Variants in NSD3 observed in about 807,000 individuals in gnomAD.
NSD3 encodes the protein histone-lysine N-methyltransferase NSD3.
A neutral mutation model predicts 160.8 loss-of-function variants in NSD3; 24 were observed. The ratio of observed to expected loss-of-function variants is 0.15; its 90% CI spans 0.11 to 0.21. The LOEUF (loss-of-function observed/expected upper bound fraction) is 0.21, where lower values mean the gene tolerates loss of function less well. NSD3 is among the 10% of genes least tolerant of loss of function. The pLI is 1.00. For synonymous variants in NSD3, 520 were observed against 600.0 expected (o/e 0.87, Z 1.95); for missense variants, 1,157 against 1,735.9 (o/e 0.67, Z 5.93).
At chr8:38,359,793 T>C (rs1464734249) in intron 1 of NSD3, among the ~76,000 whole-genome samples, 2 of 152,210 alleles carry the variant, frequency 1.3e-5, no homozygotes, top group Non-Finnish European at 2.9e-5. Context: ...GATTGTTCTA[T>C]TTGTCTTTAG....
intron 4 of NSD3, among the ~76,000 whole-genome samples, chr8:38,332,507 C>T (rs1810087024): frequency 6.6e-6 from 1 of 152,134 alleles, no homozygotes; most frequent in African/African-American, 2.4e-5. Flanking sequence ...TTTGAGTCCT[C>T]AAGTTTTAGG....
At chr8:38,296,671 CCTCTGTGT>C (rs1380180609) in intron 15 of NSD3, among the ~76,000 whole-genome samples, 6 of 114,892 alleles carry the variant, frequency 5.2e-5, no homozygotes, top group Middle Eastern at 4.2e-3. Flanking sequence ...TCTCTCTCTC[CCTCTGTGT>C]GTGTGTGTGT....
chr8:38,337,596 A>G (rs1810253817), intron 3 of NSD3, 129 bp from the exon 4 acceptor site: 1 of 862,242 alleles, frequency 1.2e-6, no homozygotes, highest in Admixed American at 4.2e-5. Flanking sequence ...GTCAAAAAAC[A>G]TCAGAAATTC....
intron 23 of NSD3, 66 bp from the exon 24 acceptor site, chr8:38,275,948 T>C (rs1309237013): frequency 2.1e-6 from 3 of 1,422,764 alleles, no homozygotes; most frequent in African/African-American, 1.4e-5. Flanking sequence ...TGATTACCCA[T>C]GAAAAACCCA....
chr8:38,301,259 T>C (rs1387106003), intron 14 of NSD3, among the ~76,000 whole-genome samples: 1 of 152,164 alleles, frequency 6.6e-6, no homozygotes, highest in Non-Finnish European at 1.5e-5. Flanking sequence ...GCATGAGCCA[T>C]GGTGCTCAGC....
In NSD3 at chr8:38,348,037, G is replaced by A. The variant is rs1170391017; in HGVS notation, c.135C>T (p.Gly45=). 2.5e-6 allele frequency: 4 copies of A among 1,614,046 alleles called. No homozygotes were observed. The highest frequency in any genetic ancestry group is 3.4e-6 in the Non-Finnish European group (4 of 1,180,040). The change falls in exon 2 of 24, where the codon GGC becomes GGT. Residue 45 remains glycine (G), a synonymous_variant. Transcript: ENST00000317025. ...GCAAAGTAGCTTCATATGGTGTCTG[G>A]CCACCATCTTCAGCAATGTCACTGT... ...DNNSDIAEDG[G]QTPYEATLQQ...
intron 1 of NSD3, among the ~76,000 whole-genome samples, chr8:38,366,284 T>C (rs2150392994): frequency 6.6e-6 from 1 of 152,222 alleles, no homozygotes; most frequent in South Asian, 2.1e-4. Context: ...TTCTTTGCCA[T>C]GAAGAATTTA....
rs200219041 is a variant in NSD3 at position 38,304,541 on chromosome 8, T to C, written c.2611+46A>G. On this transcript the variant is annotated intron_variant, in intron 14 of 23. Transcript: ENST00000317025. ...GAGACTCTATGTTAATGGAGAAATATGCCAATGACCTCAAAAATAAATGAA... is the reference window on the plus strand; with the variant it reads ...GAGACTCTATGTTAATGGAGAAATACGCCAATGACCTCAAAAATAAATGAA... 67 of 1,570,876 alleles carry C rather than the reference T, an allele frequency of 4.3e-5. No individual in the cohort carries two copies. In the African/African-American group the frequency reaches 9.0e-4, roughly 21 times the overall value.
At chr8:38,283,824 C>G (rs1018933043) in intron 19 of NSD3, among the ~76,000 whole-genome samples, 20 of 152,142 alleles carry the variant, frequency 1.3e-4, no homozygotes, top group African/African-American at 3.4e-4. Context: ...GAAAAACAGG[C>G]CAGGTGTGGT....
rs1585928016 is a variant in NSD3, at chr8:38,366,132, A to G, written c.-45+15667T>C. Among the ~76,000 whole-genome samples, 3 of 151,044 alleles carry G rather than the reference A, an allele frequency of 2.0e-5. No individual in the cohort carries two copies. The East Asian group carries it at 5.8e-4, about 29-fold the overall frequency. ...TCTCAAAAAAAAAAAAAAAAAAAAA[A>G]GCTGAAATGAAGGCAATGCATTCTG... is the stretch of plus-strand genomic sequence containing the variant. On this transcript the variant is annotated intron_variant, in intron 1 of 23. Coordinates refer to ENST00000317025, the MANE Select transcript of NSD3 (RefSeq NM_023034.2).
At chr8:38,303,481 T>C (rs1163008166) in intron 14 of NSD3, 1 of 791,844 alleles carries the variant, frequency 1.3e-6, no homozygotes, top group African/African-American at 1.9e-5. Flanking sequence ...CAGAAAGTAG[T>C]GTCTACTACA....
At chr8:38,315,683 A>T in intron 10 of NSD3, 139 bp from the exon 11 acceptor site, 1 of 1,308,462 alleles carries the variant, frequency 7.6e-7, no homozygotes. Context: ...TCTTTCCAAA[A>T]TCCACAGATA....
rs967979014 is a variant in NSD3, at chr8:38,272,986, T to A, written c.*2655A>T. On this transcript the variant is annotated 3_prime_UTR_variant, in exon 24 of 24. Transcript: ENST00000317025. ...GGCACCAGCATGACTAAAACCGCTT[T>A]TTAGACCATTAAAGAACATTCATGG... 6.6e-6 allele frequency: 1 copy of A among 152,220 alleles called. No homozygotes were observed. Among genetic ancestry groups the A allele is most frequent in the African/African-American group, 2.4e-5 (1 of 41,464 alleles). 9.4% of individuals were successfully genotyped at this position (152,220 alleles called of 1,614,324 possible).
chr8:38,345,279 G>A (rs1270185624), intron 2 of NSD3, among the ~76,000 whole-genome samples: 1 of 127,376 alleles, frequency 7.9e-6, no homozygotes. Flanking sequence ...ATGGAAGGGG[G>A]AAGGGACGAG....
Position 38,288,366 on chromosome 8 carries a change from A to G in NSD3, c.3501+121T>C, listed in dbSNP as rs534678730. 2.9e-6 allele frequency: 4 copies of G among 1,380,250 alleles called. No homozygotes were observed. The highest frequency in any genetic ancestry group is 2.9e-5 in the African/African-American group (2 of 69,106). The allele number at this position is 1,380,250 out of a possible 1,614,324, so 85.5% of individuals were successfully genotyped here. A position where few individuals can be genotyped will look rare whatever the true frequency, so the allele number is the denominator to read the frequency against. On this transcript the variant is annotated intron_variant, in intron 19 of 23. Coordinates refer to ENST00000317025, the MANE Select transcript of NSD3 (RefSeq NM_023034.2). The surrounding 1 kb of genome is among the most constrained non-coding windows in gnomAD (Gnocchi z 4.5). ...AAGAAGTACCAAACTCTCAACATGG[A>G]AAGTTTTAACATTTTACCACAAATT...
chr8:38,378,825 CA>C (rs201408423), intron 1 of NSD3, among the ~76,000 whole-genome samples: 1,937 of 87,356 alleles, frequency 0.022, 28 homozygotes, highest in African/African-American at 0.065. Context: ...CTCCATCTCT[CA>C]AAAAAAAAAA....
At position 38,278,189 on chromosome 8, in the gene NSD3, T is replaced by C. The variant is rs201680598; in HGVS notation, c.3867+117A>G. 3.1e-4 allele frequency: 224 copies of C among 717,672 alleles called. 1 individual carries two copies. The highest frequency in any genetic ancestry group is 1.3e-3 in the Admixed American group (44 of 33,112). The allele number at this position is 717,672 out of a possible 1,614,324, so 44.5% of individuals were successfully genotyped here. ...TCCTGACCTCGTGATCTGCCCGCCT[T>C]GGCCTCCCAAAGTGCTGGGATTACA... On this transcript the variant is annotated intron_variant, in intron 22 of 23. Coordinates refer to ENST00000317025, the MANE Select transcript of NSD3 (RefSeq NM_023034.2).
chr8:38,306,777 C>T (rs780420271), intron 12 of NSD3, among the ~76,000 whole-genome samples: 6 of 152,252 alleles, frequency 3.9e-5, no homozygotes, highest in Non-Finnish European at 7.4e-5. Context: ...ATGTGTTCAT[C>T]TTCACTAGTA....
chr8:38,379,899 A>G (rs1231730525), intron 1 of NSD3, among the ~76,000 whole-genome samples: 2 of 152,254 alleles, frequency 1.3e-5, no homozygotes, highest in Non-Finnish European at 2.9e-5. Flanking sequence ...ACACCAATGT[A>G]TGTTCTGTAA....
Sources: allele counts gnomAD v4.1 joint callset (sites outside exome capture counted in the v4.1 genomes callset), GRCh38; gene constraint gnomAD v4.1.1; non-coding constraint Gnocchi (gnomAD v3.1); transcripts MANE v1.5; gene names NCBI Gene and HGNC (gene_info 2026-07-23, HGNC 2026-07-21).